Variants in ACKR3 observed in about 807,000 individuals in gnomAD.
ACKR3 encodes the protein atypical chemokine receptor 3.
ACKR3 carries 6 observed loss-of-function variants against 22.4 expected under a neutral mutation model. The observed-to-expected ratio is 0.27, with a 90% confidence interval of 0.15 to 0.53. The LOEUF (loss-of-function observed/expected upper bound fraction) is 0.53. Ranked by LOEUF, ACKR3 falls within the 20% of genes least tolerant of loss-of-function variation. The pLI is 0.96. For missense variants in ACKR3, 396 were observed against 475.2 expected (o/e 0.83, Z 1.55); for synonymous variants, 209 against 205.2 (o/e 1.02, Z -0.16).
chr2:236,570,342 T>G (rs1252573713), intron 1 of ACKR3, among the ~76,000 whole-genome samples: 1 of 152,190 alleles, frequency 6.6e-6, no homozygotes, highest in East Asian at 1.9e-4. Context: ...AGTATATCAG[T>G]TTGGAAACAG....
upstream of ACKR3, among the ~76,000 whole-genome samples, chr2:236,563,629 C>T (rs1282674121): frequency 6.6e-6 from 1 of 152,194 alleles, no homozygotes; most frequent in African/African-American, 2.4e-5. Context: ...GCAGAGTGGT[C>T]TGAGGATTAA....
At chr2:236,540,422 A>G in the ACKR3 span, among the ~76,000 whole-genome samples, 1 of 151,518 alleles carries the variant, frequency 6.6e-6, no homozygotes, top group African/African-American at 2.4e-5. Context: ...TATTCTGGAC[A>G]CCAGCCCTTT....
At chr2:236,562,254 T>G in the ACKR3 span, among the ~76,000 whole-genome samples, 1 of 152,248 alleles carries the variant, frequency 6.6e-6, no homozygotes, top group African/African-American at 2.4e-5. Context: ...TTTAGCAAGT[T>G]ATACTATTTT....
At chr2:236,558,758 GA>G in the ACKR3 span, among the ~76,000 whole-genome samples, 1 of 152,174 alleles carries the variant, frequency 6.6e-6, no homozygotes, top group Non-Finnish European at 1.5e-5. Context: ...AAAAAGGAAG[GA>G]AGGGTCTCTC....
the ACKR3 span, among the ~76,000 whole-genome samples, chr2:236,548,916 T>G: frequency 6.6e-6 from 1 of 152,214 alleles, no homozygotes; most frequent in South Asian, 2.1e-4. The surrounding 1 kb of genome is among the most constrained non-coding windows in gnomAD (Gnocchi z 4.3). Context: ...GTGTCATTCC[T>G]GATGACAAGC....
intron 1 of ACKR3, among the ~76,000 whole-genome samples, chr2:236,571,660 T>A (rs923585029): frequency 1.1e-4 from 16 of 145,348 alleles, no homozygotes; most frequent in Non-Finnish European, 2.2e-4. Flanking sequence ...CAAAAAACCC[T>A]GCTTAATCAG....
chr2:236,581,751 T>G lies in ACKR3; in HGVS notation c.*197T>G. 1 of 683,148 alleles carries G rather than the reference T, an allele frequency of 1.5e-6. No homozygotes were observed. The highest frequency in any genetic ancestry group is 2.3e-5 in the South Asian group (1 of 43,842). The allele number at this position is 683,148 out of a possible 1,614,324, so 42.3% of individuals were successfully genotyped here. ...TCATTTGGCTGTGCGTGCTGACAGT[T>G]TTGCAACAGGCAGAGCTGTGTCGCA... On this transcript the variant is annotated 3_prime_UTR_variant, in exon 2 of 2. Transcript: ENST00000272928. The surrounding 1 kb of genome is among the most constrained non-coding windows in gnomAD (Gnocchi z 4.4).
chr2:236,567,143 C>G (rs896522129), upstream of ACKR3, among the ~76,000 whole-genome samples: 3 of 152,166 alleles, frequency 2.0e-5, no homozygotes, highest in Non-Finnish European at 2.9e-5. Context: ...GGATTACAGA[C>G]GCGCGCCACC....
chr2:236,579,444 C>T (rs1691476626), intron 1 of ACKR3, among the ~76,000 whole-genome samples: 1 of 152,110 alleles, frequency 6.6e-6, no homozygotes, highest in Non-Finnish European at 1.5e-5. Context: ...TTCCCATGGG[C>T]GGACTGACAG....
the ACKR3 span, among the ~76,000 whole-genome samples, chr2:236,543,904 G>A: frequency 1.5e-5 from 2 of 132,152 alleles, no homozygotes; most frequent in Non-Finnish European, 3.2e-5. Context: ...TGACATAGTG[G>A]TTACAGATAT....
the ACKR3 span, among the ~76,000 whole-genome samples, chr2:236,557,461 A>C: frequency 6.6e-6 from 1 of 152,132 alleles, no homozygotes; most frequent in Admixed American, 6.5e-5. Context: ...GCCCACACTG[A>C]CTTTTTGTGC....
At chr2:236,557,568 A>C in the ACKR3 span, among the ~76,000 whole-genome samples, 1 of 152,252 alleles carries the variant, frequency 6.6e-6, no homozygotes, top group Non-Finnish European at 1.5e-5. Context: ...CTGAGCTGTC[A>C]ACTAAATACT....
upstream of ACKR3, among the ~76,000 whole-genome samples, chr2:236,563,040 A>G (rs550697284): frequency 6.6e-6 from 1 of 152,290 alleles, no homozygotes; most frequent in African/African-American, 2.4e-5. Context: ...TTCCCCAATA[A>G]CTAAGGAAGT....
chr2:236,540,067 T>C, the ACKR3 span, among the ~76,000 whole-genome samples: 8 of 152,332 alleles, frequency 5.3e-5, no homozygotes, highest in African/African-American at 1.9e-4. Context: ...AACTGTATCA[T>C]ATAGTAAGTG....
chr2:236,573,572 T>C (rs1691351587), intron 1 of ACKR3, among the ~76,000 whole-genome samples: 1 of 152,166 alleles, frequency 6.6e-6, no homozygotes, highest in Non-Finnish European at 1.5e-5. Flanking sequence ...AGAAAGCCAG[T>C]GAAGGAGGCA....
chr2:236,566,766 T>TCCTTCCTTCC (rs1559469797), upstream of ACKR3, among the ~76,000 whole-genome samples: 10 of 149,226 alleles, frequency 6.7e-5, no homozygotes, highest in East Asian at 2.0e-4. Flanking sequence ...CTTCCTTCCT[T>TCCTTCCTTCC]TTCTTTGCTA....
chr2:236,548,043 A>G, the ACKR3 span, among the ~76,000 whole-genome samples: 6 of 151,986 alleles, frequency 3.9e-5, no homozygotes, highest in African/African-American at 1.2e-4. The surrounding 1 kb of genome is among the most constrained non-coding windows in gnomAD (Gnocchi z 4.3). Context: ...CCACATTCCC[A>G]CTGGCCTTTC....
the ACKR3 span, among the ~76,000 whole-genome samples, chr2:236,543,893 A>G: frequency 3.5e-5 from 5 of 141,062 alleles, no homozygotes; most frequent in African/African-American, 1.3e-4. Context: ...TGCTTGTTCA[A>G]TGACATAGTG....
chr2:236,568,619 C>G (rs1367592471), upstream of ACKR3, among the ~76,000 whole-genome samples: 1 of 152,220 alleles, frequency 6.6e-6, no homozygotes, highest in Non-Finnish European at 1.5e-5. Context: ...CCTCGCCTCC[C>G]GCTGGGCAGC....
Sources: allele counts gnomAD v4.1 joint callset (sites outside exome capture counted in the v4.1 genomes callset), GRCh38; gene constraint gnomAD v4.1.1; non-coding constraint Gnocchi (gnomAD v3.1); transcripts MANE v1.5; gene names NCBI Gene and HGNC (gene_info 2026-07-23, HGNC 2026-07-21).